Variants in CSPP1 observed in about 807,000 individuals in gnomAD.
The protein encoded by CSPP1 is centrosome and spindle pole-associated protein 1.
In CSPP1, 126 loss-of-function variants were observed where a neutral mutation model predicts 164.4. The ratio of observed to expected loss-of-function variants is 0.77; its 90% CI spans 0.66 to 0.89. The LOEUF (loss-of-function observed/expected upper bound fraction) is 0.89. Ranked by LOEUF, CSPP1 falls within the 40% of genes least tolerant of loss-of-function variation. The probability of loss-of-function intolerance (pLI) is 0.00; values close to 1 mark genes in which losing one functional copy is unlikely to be tolerated. For synonymous variants in CSPP1, 472 were observed against 476.7 expected (o/e 0.99, Z 0.13); for missense variants, 1,395 against 1,449.8 (o/e 0.96, Z 0.61).
intron 5 of CSPP1, among the ~76,000 whole-genome samples, chr8:67,092,777 T>A (rs1811898113): frequency 6.6e-6 from 1 of 152,220 alleles, no homozygotes; most frequent in Non-Finnish European, 1.5e-5. Context: ...TAGATTGTGT[T>A]GTTTTAGCGA....
In CSPP1 at chr8:67,190,642, C is replaced by A; in HGVS notation, c.3221-8C>A. On this transcript the variant is annotated splice_region_variant and splice_polypyrimidine_tract_variant and intron_variant, in intron 28 of 30. Coordinates refer to ENST00000678616, the MANE Select transcript of CSPP1 (RefSeq NM_001382391.1). ...TAAGACTCCTTCTGCTTTTCGGGGT[C>A]CTCTTAGGGGCTTACGGTGAGACAT... 1.9e-6 allele frequency: 3 copies of A among 1,607,768 alleles called. No individual in the cohort carries two copies. Among genetic ancestry groups the A allele is most frequent in the Non-Finnish European group, 2.6e-6 (3 of 1,174,224 alleles).
chr8:67,123,647 T>C (rs534633271), intron 15 of CSPP1, among the ~76,000 whole-genome samples: 1 of 151,566 alleles, frequency 6.6e-6, no homozygotes, highest in African/African-American at 2.4e-5. Context: ...TCTCATTCTC[T>C]TTCCCAAGCT....
chr8:67,097,554 T>G lies in CSPP1; in HGVS notation c.923+1822T>G, dbSNP rs117757517. Among the ~76,000 whole-genome samples the G allele has an allele frequency of 2.0e-4, 30 of 152,264 alleles. 1 individual carries two copies. In the East Asian group the frequency reaches 5.8e-3, roughly 29 times the overall value. ...AATTCAGTTGGGGAACTGCAAGTAA[T>G]CTTTGACTCTTGGTGATAATGTCTC... On this transcript the variant is annotated intron_variant, in intron 7 of 30. Transcript: ENST00000678616.
intron 24 of CSPP1, among the ~76,000 whole-genome samples, chr8:67,168,005 A>C (rs1480743726): frequency 1.3e-5 from 2 of 152,204 alleles, no homozygotes; most frequent in African/African-American, 2.4e-5. Flanking sequence ...AGCCTGGGCA[A>C]CATTGAGCAC....
chr8:67,080,701 C>T (rs551054292), intron 3 of CSPP1, among the ~76,000 whole-genome samples: 2 of 152,338 alleles, frequency 1.3e-5, no homozygotes, highest in South Asian at 4.1e-4. Flanking sequence ...CAAGAAAGTG[C>T]TGTACTTATG....
chr8:67,144,465 A>T (rs959252969), intron 17 of CSPP1, among the ~76,000 whole-genome samples: 29 of 152,088 alleles, frequency 1.9e-4, no homozygotes, highest in African/African-American at 7.0e-4. Context: ...TTTGAGACAG[A>T]GTCTTGCTCT....
At chr8:67,075,202 C>T (rs1254531233) in intron 2 of CSPP1, among the ~76,000 whole-genome samples, 1 of 152,198 alleles carries the variant, frequency 6.6e-6, no homozygotes, top group Non-Finnish European at 1.5e-5. Flanking sequence ...ATGCTAAGCT[C>T]TGAGAATGCA....
intron 1 of CSPP1, among the ~76,000 whole-genome samples, chr8:67,073,213 C>A (rs908645882): frequency 6.6e-6 from 1 of 152,156 alleles, no homozygotes; most frequent in African/African-American, 2.4e-5. Flanking sequence ...AGGAATTAGA[C>A]AACATCTTGA....
intron 3 of CSPP1, among the ~76,000 whole-genome samples, chr8:67,081,927 G>A (rs976983209): frequency 2.6e-5 from 4 of 152,182 alleles, no homozygotes; most frequent in African/African-American, 9.7e-5. Flanking sequence ...TTTTTGTAGA[G>A]ATAGAGTCTT....
intron 17 of CSPP1, among the ~76,000 whole-genome samples, chr8:67,145,436 G>C: frequency 6.6e-6 from 1 of 150,384 alleles, no homozygotes; most frequent in Non-Finnish European, 1.5e-5. Context: ...TTTTCTTCTT[G>C]TTTCAGTGAT....
At position 67,131,931 on chromosome 8, in the gene CSPP1, T is replaced by G. The variant is rs1468490915; in HGVS notation, c.1698-20T>G. The G allele has an allele frequency of 6.4e-7, 1 of 1,566,240 alleles. No homozygotes were observed. The highest frequency in any genetic ancestry group is 1.4e-5 in the African/African-American group (1 of 73,118). On this transcript the variant is annotated intron_variant, in intron 15 of 30. Transcript: ENST00000678616. ...TTTGTCGTCAATGGATTTAAATTATTTATTGTGTATTTGATGTAGGAATAC... is the reference window on the plus strand; with the variant it reads ...TTTGTCGTCAATGGATTTAAATTATGTATTGTGTATTTGATGTAGGAATAC...
In CSPP1 at chr8:67,137,538, C is replaced by A; in HGVS notation, c.1910C>A (p.Thr637Lys). Residue 637 changes from threonine (T) to lysine (K), a missense_variant, in exon 17 of 31, where the codon ACA becomes AAA. By Grantham distance (78) the Thr-to-Lys change is moderately conservative. Transcript: ENST00000678616. ...GCTAAATTAGAAGCTGAAATGAGAA[C>A]ATATAATCCCTGGGGAAAAGGTGGA... ...YEAKLEAEMRTYNPWGKGGGG... is the reference protein window; with the variant it reads ...YEAKLEAEMRKYNPWGKGGGG... The A allele has an allele frequency of 3.8e-6, 6 of 1,595,176 alleles. No individual in the cohort carries two copies. Among genetic ancestry groups the A allele is most frequent in the Non-Finnish European group, 5.1e-6 (6 of 1,170,030 alleles).
In CSPP1 at chr8:67,193,563, C is replaced by T. The variant is rs200346372; in HGVS notation, c.3430C>T (p.Arg1144Ter). 1.7e-5 allele frequency: 27 copies of T among 1,613,234 alleles called. No homozygotes were observed. In the Admixed American group the frequency reaches 2.3e-4, roughly 14 times the overall value. The change falls in exon 30 of 31, where the codon CGA (arginine) becomes TGA (stop). Residue 1144 changes from arginine to a stop codon, truncating the protein, a stop_gained. Coordinates refer to ENST00000678616, the MANE Select transcript of CSPP1 (RefSeq NM_001382391.1). LOFTEE classifies it high-confidence loss of function. ...TAGAGTGAGAAATGAGGAACGAATG[C>T]GAAGACTGAATGAATTTCACAATAA... ...ELRVRNEERMRRLNEFHNKPI... is the reference protein window; with the variant it reads ...ELRVRNEERM
intron 13 of CSPP1, 132 bp downstream of exon 13, chr8:67,116,254 T>G (rs1259887213): frequency 1.6e-6 from 1 of 623,718 alleles, no homozygotes; most frequent in Non-Finnish European, 2.7e-6. Flanking sequence ...GTGAAATAAA[T>G]TCTCTTGAAA....
At chr8:67,158,904 C>G in intron 20 of CSPP1, 87 bp from the exon 21 acceptor site, 1 of 1,128,804 alleles carries the variant, frequency 8.9e-7, no homozygotes, top group Non-Finnish European at 1.3e-6. Flanking sequence ...ATCTTTATCT[C>G]ATTTTATCAG....
rs773962170 is a variant in CSPP1 at position 67,161,820 on chromosome 8, C to T, written c.2548C>T (p.Gln850Ter). Reference protein sequence around the residue: ...LIGEETKHMRQPSPIVPALQN... With the variant: ...LIGEETKHMR ...TTTTTAAATTTTTCAGCACATGAGACAGCCTTCTCCTATAGTTCCTGCTCT... is the reference window on the plus strand; with the variant it reads ...TTTTTAAATTTTTCAGCACATGAGATAGCCTTCTCCTATAGTTCCTGCTCT... Residue 850 changes from glutamine to a stop codon, truncating the protein, a stop_gained, in exon 22 of 31, where the codon CAG becomes TAG. Coordinates refer to ENST00000678616, the MANE Select transcript of CSPP1 (RefSeq NM_001382391.1). LOFTEE classifies it high-confidence loss of function. 1.9e-6 allele frequency: 3 copies of T among 1,611,654 alleles called. No homozygotes were observed. The highest frequency in any genetic ancestry group is 2.7e-5 in the African/African-American group (2 of 74,982).
intron 26 of CSPP1, among the ~76,000 whole-genome samples, chr8:67,177,210 T>A (rs542871490): frequency 4.6e-5 from 7 of 151,686 alleles, no homozygotes; most frequent in African/African-American, 1.7e-4. Context: ...AAGGGCAAAA[T>A]GTACTATTCA....
At chr8:67,091,699 A>C in intron 4 of CSPP1, 104 bp from the exon 5 acceptor site, 2 of 343,362 alleles carry the variant, frequency 5.8e-6, no homozygotes, top group South Asian at 5.0e-5. Flanking sequence ...TTTGCTCTGC[A>C]TAATATAATA....
intron 29 of CSPP1, among the ~76,000 whole-genome samples, chr8:67,192,811 T>C (rs1370903263): frequency 1.3e-5 from 2 of 151,464 alleles, no homozygotes; most frequent in Non-Finnish European, 3.0e-5. Context: ...AACGTAAGGA[T>C]TTATTTCTAT....
Sources: gnomAD v4.1 joint callset for allele counts (sites outside exome capture counted in the v4.1 genomes callset) on GRCh38, gnomAD v4.1.1 for gene constraint, MANE v1.5 for transcripts, NCBI Gene and HGNC (gene_info 2026-07-23, HGNC 2026-07-21) for gene names.